The following AGBL4 variants were observed in gnomAD, a reference collection of about 807,000 sequenced individuals.
The protein encoded by AGBL4 is cytosolic carboxypeptidase 6.
AGBL4 carries 58 observed loss-of-function variants against 66.4 expected under a neutral mutation model. The observed-to-expected ratio is 0.87, with a 90% CI of 0.71 to 1.09. The LOEUF (loss-of-function observed/expected upper bound fraction) is 1.09. Ranked by LOEUF, AGBL4 falls within the 50% of genes least tolerant of loss-of-function variation. The pLI is 0.00. For synonymous variants in AGBL4, 234 were observed against 222.9 expected (o/e 1.05, Z -0.44); for missense variants, 579 against 631.0 (o/e 0.92, Z 0.88).
chr1:49,920,178 G>C (rs1203322867), intron 1 of AGBL4, among the ~76,000 whole-genome samples: 1 of 152,144 alleles, frequency 6.6e-6, no homozygotes, highest in Non-Finnish European at 1.5e-5. Context: ...CATAGGCATG[G>C]GCAAGGACTT....
intron 3 of AGBL4, among the ~76,000 whole-genome samples, chr1:49,583,741 AT>A (rs1644591902): frequency 6.6e-6 from 1 of 152,074 alleles, no homozygotes; most frequent in Admixed American, 6.6e-5. Flanking sequence ...AAAACAGTAA[AT>A]TTTTCCTATT....
chr1:49,672,586 C>CAA, intron 3 of AGBL4, among the ~76,000 whole-genome samples: 1 of 151,904 alleles, frequency 6.6e-6, no homozygotes, highest in East Asian at 1.9e-4. Context: ...ATATACAAAA[C>CAA]AAAAAATTAA....
chr1:48,732,945 A>G (rs575462449), intron 6 of AGBL4, among the ~76,000 whole-genome samples: 5 of 152,272 alleles, frequency 3.3e-5, no homozygotes, highest in African/African-American at 9.6e-5. Flanking sequence ...GTGAAGGAGG[A>G]ATGATCGTGT....
At position 48,533,037 on chromosome 1, in the gene AGBL4, CAAACAAACAAACAAA is replaced by C. The variant is rs1557766134; in HGVS notation, c.*1121_*1135del. The stretch of plus-strand genomic sequence containing the variant: ...TAGCAAACTTCAATAATCTCCAACT[CAAACAAACAAACAAA>C]CAAACAAACAAACAAAAAATGCTTT... On this transcript the variant is annotated 3_prime_UTR_variant, in exon 14 of 14. Coordinates refer to ENST00000371839, the MANE Select transcript of AGBL4 (RefSeq NM_032785.4). 2.0e-5 allele frequency: 3 copies of C among 151,624 alleles called. No individual in the cohort carries two copies. Among genetic ancestry groups the C allele is most frequent in the African/African-American group, 7.3e-5 (3 of 41,208 alleles). 9.4% of individuals were successfully genotyped at this position (151,624 alleles called of 1,614,324 possible). A position where few individuals can be genotyped will look rare whatever the true frequency, so the allele number is the denominator to read the frequency against.
At chr1:49,224,323 A>T (rs899500744) in intron 4 of AGBL4, among the ~76,000 whole-genome samples, 6 of 152,166 alleles carry the variant, frequency 3.9e-5, no homozygotes, top group African/African-American at 1.4e-4. Context: ...ATTACATCAA[A>T]TTCCAATTGG....
chr1:49,080,532 T>C (rs1262762241), intron 4 of AGBL4, among the ~76,000 whole-genome samples: 1 of 152,134 alleles, frequency 6.6e-6, no homozygotes, highest in Non-Finnish European at 1.5e-5. Flanking sequence ...GTACCCCTGA[T>C]TGGCTGAAAT....
chr1:49,955,869 T>C (rs1303151298), intron 1 of AGBL4, among the ~76,000 whole-genome samples: 1 of 151,880 alleles, frequency 6.6e-6, no homozygotes, highest in Non-Finnish European at 1.5e-5. Context: ...TCTGGCTTGA[T>C]AGAATAATAT....
Position 49,432,402 on chromosome 1 carries a change from C to T in AGBL4, c.283-186538G>A, listed in dbSNP as rs367970853. 1.4e-3 allele frequency among the ~76,000 whole-genome samples: 208 copies of T among 152,198 alleles called. 1 individual carries two copies. Among genetic ancestry groups the T allele is most frequent in the African/African-American group, 4.7e-3 (196 of 41,526 alleles). On this transcript the variant is annotated intron_variant, in intron 3 of 13. Transcript: ENST00000371839. ...GGTTGCAGGAATAAAAACTCTCTTC[C>T]TCCCCATCTCTTCCTCTGCATCTTG...
At chr1:49,313,892 T>C (rs551869540) in intron 3 of AGBL4, among the ~76,000 whole-genome samples, 26 of 152,310 alleles carry the variant, frequency 1.7e-4, no homozygotes, top group Non-Finnish European at 2.9e-4. Flanking sequence ...TTTGTCAATT[T>C]TGGCTTCTGT....
At chr1:49,314,190 T>A (rs1309354939) in intron 3 of AGBL4, among the ~76,000 whole-genome samples, 1 of 152,128 alleles carries the variant, frequency 6.6e-6, no homozygotes, top group East Asian at 1.9e-4. Flanking sequence ...ATGTGTGGCG[T>A]TATTTCTGAG....
At chr1:49,322,692 G>A (rs1000660670) in intron 3 of AGBL4, among the ~76,000 whole-genome samples, 3 of 152,322 alleles carry the variant, frequency 2.0e-5, no homozygotes, top group Admixed American at 6.5e-5. Flanking sequence ...GGCTGGGAGA[G>A]GCAAGGAAGG....
chr1:48,689,821 C>T (rs1646600250), intron 6 of AGBL4, among the ~76,000 whole-genome samples: 1 of 152,170 alleles, frequency 6.6e-6, no homozygotes, highest in Non-Finnish European at 1.5e-5. Context: ...GGGAGAATCA[C>T]TTGAACGCAG....
chr1:49,834,343 C>T (rs1207883447), intron 2 of AGBL4, among the ~76,000 whole-genome samples: 2 of 152,156 alleles, frequency 1.3e-5, no homozygotes, highest in African/African-American at 2.4e-5. Flanking sequence ...TTATCCATTT[C>T]TTCTAGATAT....
intron 6 of AGBL4, among the ~76,000 whole-genome samples, chr1:48,866,505 C>T (rs77361588): frequency 0.025 from 3,814 of 152,246 alleles, 141 homozygotes; most frequent in African/African-American, 0.088. Flanking sequence ...GCTCACTAAC[C>T]CTGCTGGCAC....
intron 6 of AGBL4, among the ~76,000 whole-genome samples, chr1:48,702,336 G>C (rs1314708047): frequency 4.0e-5 from 6 of 151,794 alleles, no homozygotes; most frequent in African/African-American, 1.5e-4. Context: ...CTGTTGCCCA[G>C]GCTGGAGTGC....
chr1:49,807,748 T>A (rs1463788894), intron 2 of AGBL4, among the ~76,000 whole-genome samples: 1 of 152,192 alleles, frequency 6.6e-6, no homozygotes, highest in African/African-American at 2.4e-5. Context: ...TCCTCCAAGA[T>A]TCAAATGTTG....
At chr1:48,786,817 A>G (rs1270228033) in intron 6 of AGBL4, among the ~76,000 whole-genome samples, 2 of 145,574 alleles carry the variant, frequency 1.4e-5, no homozygotes, top group Non-Finnish European at 3.0e-5. Flanking sequence ...GAGCCAAAAA[A>G]GGAGACAACT....
chr1:48,682,572 C>T (rs1189028792), intron 6 of AGBL4, among the ~76,000 whole-genome samples: 1 of 152,008 alleles, frequency 6.6e-6, no homozygotes, highest in African/African-American at 2.4e-5. Flanking sequence ...TTTAAAATTC[C>T]TTGTAGGGAG....
rs547964667 is a variant in AGBL4 at position 48,571,127 on chromosome 1, TG to T, written c.1267+15876del. 5.3e-5 allele frequency among the ~76,000 whole-genome samples: 8 copies of T among 152,330 alleles called. No homozygotes were observed. In the South Asian group the frequency reaches 1.5e-3, roughly 28 times the overall value. On this transcript the variant is annotated intron_variant, in intron 11 of 13. Coordinates refer to ENST00000371839, the MANE Select transcript of AGBL4 (RefSeq NM_032785.4). ...GCTCATTTAATTCTCACCACAACCC[TG>T]AAAAGTTTGTACCATTACTTGTATT...
Sources: gnomAD v4.1 joint callset for allele counts (sites outside exome capture counted in the v4.1 genomes callset) on GRCh38, gnomAD v4.1.1 for gene constraint, MANE v1.5 for transcripts, NCBI Gene and HGNC (gene_info 2026-07-23, HGNC 2026-07-21) for gene names.